Variants in PLAGL1 observed in about 807,000 individuals in gnomAD.
The protein encoded by PLAGL1 is PLAG1 like zinc finger 1, also known as zinc finger protein PLAGL1.
PLAGL1 carries 1 observed loss-of-function variant against 4.6 expected under a neutral mutation model. That is an observed-to-expected ratio of 0.22 (90% CI 0.08 to 1.03). The LOEUF is 1.03. Among genes scored for constraint, PLAGL1 ranks in the 50% least tolerant of loss-of-function variants. The pLI is 0.58. For synonymous variants in PLAGL1, 240 were observed against 237.8 expected (o/e 1.01, Z -0.08); for missense variants, 464 against 570.4 (o/e 0.81, Z 1.90).
Position 143,940,611 on chromosome 6 carries a change from T to A in PLAGL1, c.*813A>T, listed in dbSNP as rs914236225. 2.6e-5 allele frequency: 4 copies of A among 152,502 alleles called. No homozygotes were observed. Among genetic ancestry groups the A allele is most frequent in the East Asian group, 1.9e-4 (1 of 5,192 alleles). The allele number at this position is 152,502 out of a possible 1,614,324, so 9.4% of individuals were successfully genotyped here. ...AAATTCTTGTTTAATATATATATAT[T>A]TTTAATTCCAGTAATATTTTCTTAA... On this transcript the variant is annotated 3_prime_UTR_variant, in exon 8 of 8. Coordinates refer to ENST00000674357, the MANE Select transcript of PLAGL1 (RefSeq NM_001317162.2).
At chr6:143,974,508 C>G (rs1200350311) in intron 2 of PLAGL1, among the ~76,000 whole-genome samples, 1 of 152,004 alleles carries the variant, frequency 6.6e-6, no homozygotes, top group Non-Finnish European at 1.5e-5. Flanking sequence ...GGAGAAAAGA[C>G]ATTCCCTTAT....
rs940395733 is a variant in PLAGL1 at position 144,063,369 on chromosome 6, C to T, written c.-151+1099G>A. ...CCTTCCTGATGCCTAACTAGGCGTC[C>T]CCAGCCATATCCCCGGGGCAGCTTT... On this transcript the variant is annotated intron_variant, in intron 1 of 3. Transcript: ENST00000437412. The surrounding 1 kb of genome is among the most constrained non-coding windows in gnomAD (Gnocchi z 5.7). Among the ~76,000 whole-genome samples, 84 of 152,102 alleles carry T rather than the reference C, an allele frequency of 5.5e-4. 3 individuals carry two copies. Among genetic ancestry groups the T allele is most frequent in the South Asian group, 2.1e-4 (1 of 4,822 alleles).
chr6:143,977,852 T>C (rs1446904557), intron 2 of PLAGL1, among the ~76,000 whole-genome samples: 1 of 152,176 alleles, frequency 6.6e-6, no homozygotes, highest in Non-Finnish European at 1.5e-5. Flanking sequence ...ACTGGCTGGC[T>C]GGTAGAATTC....
rs1191614872 is a variant in PLAGL1 at position 144,015,786 on chromosome 6, T to C, written c.-150-46808A>G. ...CTCTCGCACATTGCTAGAAGAAATATAAAATGATACAGCCACTTTGGAAAA... is the reference window on the plus strand; with the variant it reads ...CTCTCGCACATTGCTAGAAGAAATACAAAATGATACAGCCACTTTGGAAAA... On this transcript the variant is annotated intron_variant, in intron 1 of 3. Coordinates refer to the PLAGL1 transcript ENST00000437412. The surrounding 1 kb of genome is among the most constrained non-coding windows in gnomAD (Gnocchi z 4.3). Among the ~76,000 whole-genome samples the C allele has an allele frequency of 1.3e-5, 2 of 152,292 alleles. No individual in the cohort carries two copies. Among genetic ancestry groups the C allele is most frequent in the East Asian group, 3.9e-4 (2 of 5,176 alleles).
intron 1 of PLAGL1, among the ~76,000 whole-genome samples, chr6:143,999,211 TA>T (rs201956383): frequency 0.011 from 1,685 of 152,044 alleles, 17 homozygotes; most frequent in Non-Finnish European, 0.019. Flanking sequence ...TTTATTAATT[TA>T]AAAAAAATGA....
In PLAGL1 at chr6:143,947,782, T is replaced by C. The variant is rs944126103; in HGVS notation, c.152+203A>G. ...ATATTGTAGGTGCATAAAAAATCTC[T>C]GTTGAAAGAATGAACTGACACTGCA... On this transcript the variant is annotated intron_variant, in intron 7 of 7. Transcript: ENST00000674357. This position sits in a 1 kb window ranked among gnomAD's most constrained non-coding sequence, Gnocchi z 4.3. Among the ~76,000 whole-genome samples, 1 of 152,216 alleles carries C rather than the reference T, an allele frequency of 6.6e-6. No homozygotes were observed. The highest frequency in any genetic ancestry group is 2.4e-5 in the African/African-American group (1 of 41,448).
intron 1 of PLAGL1, among the ~76,000 whole-genome samples, chr6:144,038,787 A>G (rs575128955): frequency 1.3e-5 from 2 of 152,216 alleles, no homozygotes; most frequent in Non-Finnish European, 2.9e-5. Context: ...CCAAATCTAG[A>G]GAGACAGAAA....
Position 143,982,241 on chromosome 6 carries a change from C to A in PLAGL1, c.-544+2894G>T, listed in dbSNP as rs1419544146. 6.6e-6 allele frequency among the ~76,000 whole-genome samples: 1 copy of A among 151,764 alleles called. No individual in the cohort carries two copies. Among genetic ancestry groups the A allele is most frequent in the East Asian group, 1.9e-4 (1 of 5,188 alleles). On this transcript the variant is annotated intron_variant, in intron 2 of 7. Coordinates refer to ENST00000674357, the MANE Select transcript of PLAGL1 (RefSeq NM_001317162.2). The surrounding 1 kb of genome is among the most constrained non-coding windows in gnomAD (Gnocchi z 5.3). ...CAGTGTCAATTTAAAACAGGCTGGT[C>A]AGGGAAAAAGGCATGGGTGAGAGGA... is the stretch of plus-strand genomic sequence containing the variant.
upstream of PLAGL1, among the ~76,000 whole-genome samples, chr6:144,010,573 T>C (rs954910074): frequency 2.6e-5 from 4 of 152,122 alleles, no homozygotes; most frequent in African/African-American, 9.7e-5. This position sits in a 1 kb window ranked among gnomAD's most constrained non-coding sequence, Gnocchi z 4.1. Context: ...CAAGCTACCA[T>C]TGACTTTCTT....
At chr6:143,976,240 A>G (rs1435016734) in intron 2 of PLAGL1, among the ~76,000 whole-genome samples, 1 of 148,912 alleles carries the variant, frequency 6.7e-6, no homozygotes, top group Non-Finnish European at 1.5e-5. Context: ...GTACAGACGT[A>G]CTTCTGGAAT....
At chr6:144,046,611 T>G (rs1798171822) in intron 1 of PLAGL1, among the ~76,000 whole-genome samples, 1 of 152,212 alleles carries the variant, frequency 6.6e-6, no homozygotes, top group Admixed American at 6.5e-5. Flanking sequence ...TGGCCCCTAC[T>G]GGGAGGTGTC....
At position 144,064,219 on chromosome 6, in the gene PLAGL1, C is replaced by A. The variant is rs539860783; in HGVS notation, c.-151+249G>T. 6.6e-6 allele frequency among the ~76,000 whole-genome samples: 1 copy of A among 152,112 alleles called. No homozygotes were observed. Among genetic ancestry groups the A allele is most frequent in the Non-Finnish European group, 1.5e-5 (1 of 68,006 alleles). ...GCAGACGACGGAGAAAAGGGAAGCG[C>A]GCCCCAAGCCGCACAAAGGTGGCCG... On this transcript the variant is annotated intron_variant, in intron 1 of 3. Coordinates refer to the PLAGL1 transcript ENST00000437412. The surrounding 1 kb of genome is among the most constrained non-coding windows in gnomAD (Gnocchi z 6.8).
At chr6:144,043,862 A>T (rs1797926508) in intron 1 of PLAGL1, among the ~76,000 whole-genome samples, 1 of 151,938 alleles carries the variant, frequency 6.6e-6, no homozygotes, top group Non-Finnish European at 1.5e-5. Context: ...AGGGCCTGTT[A>T]TTGGTCTATT....
rs1168827884 is a variant in PLAGL1, at chr6:143,989,344, C to A, written c.-583-4170G>T. Among the ~76,000 whole-genome samples, 1 of 152,210 alleles carries A rather than the reference C, an allele frequency of 6.6e-6. No individual in the cohort carries two copies. Among genetic ancestry groups the A allele is most frequent in the African/African-American group, 2.4e-5 (1 of 41,450 alleles). On this transcript the variant is annotated intron_variant, in intron 1 of 7. Coordinates refer to ENST00000674357, the MANE Select transcript of PLAGL1 (RefSeq NM_001317162.2). The surrounding 1 kb of genome is among the most constrained non-coding windows in gnomAD (Gnocchi z 4.8). ...GTTAAACATTATTTCTGGCTACGTC[C>A]ATGCAGGTATTTCTGGATGAAATCA...
intron 1 of PLAGL1, among the ~76,000 whole-genome samples, chr6:144,062,685 T>C (rs1339021234): frequency 6.6e-6 from 1 of 152,156 alleles, no homozygotes; most frequent in Non-Finnish European, 1.5e-5. Flanking sequence ...CGGGTTATAT[T>C]GCAGCCTGTT....
At chr6:144,009,381 G>A (rs551663232), upstream of PLAGL1, among the ~76,000 whole-genome samples, 30 of 152,192 alleles carry the variant, frequency 2.0e-4, no homozygotes, top group Middle Eastern at 6.8e-3. Context: ...ATATTCCTAA[G>A]GAGGGTTTAT....
In PLAGL1 at chr6:143,975,847, C is replaced by T. The variant is rs1195698697; in HGVS notation, c.-543-6869G>A. ...TTTACTTCTTGCCACTTAGCCATTT[C>T]GAGTAGAAATGTATTGGTAAAAGAA... On this transcript the variant is annotated intron_variant, in intron 2 of 7. Coordinates refer to ENST00000674357, the MANE Select transcript of PLAGL1 (RefSeq NM_001317162.2). This position sits in a 1 kb window ranked among gnomAD's most constrained non-coding sequence, Gnocchi z 5.8. 2.6e-5 allele frequency among the ~76,000 whole-genome samples: 4 copies of T among 152,134 alleles called. No homozygotes were observed. The highest frequency in any genetic ancestry group is 2.1e-4 in the South Asian group (1 of 4,828).
chr6:143,997,137 G>A lies in PLAGL1; in HGVS notation c.-584+10953C>T, dbSNP rs755064988. Reference sequence around the variant, plus strand: ...GAGATATCACCTCAAACCCACCAGAGGGCTTAAAGCGAAAAAGACTAATAT... The same window carrying A: ...GAGATATCACCTCAAACCCACCAGAAGGCTTAAAGCGAAAAAGACTAATAT... On this transcript the variant is annotated intron_variant, in intron 1 of 7. Transcript: ENST00000674357. This position sits in a 1 kb window ranked among gnomAD's most constrained non-coding sequence, Gnocchi z 4.6. Among the ~76,000 whole-genome samples the A allele has an allele frequency of 8.5e-5, 13 of 152,164 alleles. No individual in the cohort carries two copies. The highest frequency in any genetic ancestry group is 1.8e-4 in the Non-Finnish European group (12 of 68,030).
Position 143,966,593 on chromosome 6 carries a change from G to C in PLAGL1, c.-471-395C>G, listed in dbSNP as rs780907373. 7 of 152,290 alleles carry C rather than the reference G, an allele frequency of 4.6e-5. No individual in the cohort carries two copies. Among genetic ancestry groups the C allele is most frequent in the Non-Finnish European group, 7.4e-5 (5 of 68,008 alleles). The allele number at this position is 152,290 out of a possible 1,614,324, so 9.4% of individuals were successfully genotyped here. ...TTAATGCGGTTTCAATTTACATGGT[G>C]ATTGTGTGTTTTATGAACCACCTCT... On this transcript the variant is annotated intron_variant, in intron 3 of 7. Coordinates refer to ENST00000674357, the MANE Select transcript of PLAGL1 (RefSeq NM_001317162.2). This position sits in a 1 kb window ranked among gnomAD's most constrained non-coding sequence, Gnocchi z 6.0.
Sources: gnomAD v4.1 joint callset for allele counts (sites outside exome capture counted in the v4.1 genomes callset) on GRCh38, gnomAD v4.1.1 for gene constraint, Gnocchi (gnomAD v3.1) non-coding constraint, MANE v1.5 for transcripts, NCBI Gene and HGNC (gene_info 2026-07-23, HGNC 2026-07-21) for gene names.